Variants in AHR observed in about 807,000 individuals in gnomAD.
AHR encodes the protein aryl hydrocarbon receptor.
A neutral mutation model predicts 86.8 loss-of-function variants in AHR; 40 were observed. The ratio of observed to expected loss-of-function variants is 0.46; its 90% confidence interval spans 0.36 to 0.60. The LOEUF (loss-of-function observed/expected upper bound fraction) is 0.60. Among genes scored for constraint, AHR ranks in the 20% least tolerant of loss-of-function variants. AHR has a pLI of 0.00. For synonymous variants in AHR, 398 were observed against 354.9 expected (o/e 1.12, Z -1.37); for missense variants, 1,001 against 1,011.6 (o/e 0.99, Z 0.14).
At chr7:17,322,636 A>G (rs1159893226) in intron 3 of AHR, 29 bp downstream of exon 3, 2 of 1,340,206 alleles carry the variant, frequency 1.5e-6, no homozygotes, top group African/African-American at 1.5e-5. Context: ...AGTTTCTTAC[A>G]CTAAGGACAG....
intron 1 of AHR, among the ~76,000 whole-genome samples, chr7:17,301,833 T>G (rs1781957738): frequency 1.3e-5 from 2 of 151,992 alleles, no homozygotes; most frequent in African/African-American, 4.8e-5. Context: ...AATTAAAGGC[T>G]CTGAAGCAAC....
chr7:17,339,553 C>G lies in AHR; in HGVS notation c.1728C>G (p.Asp576Glu). 6.2e-7 allele frequency: 1 copy of G among 1,614,184 alleles called. No homozygotes were observed. The highest frequency in any genetic ancestry group is 1.1e-5 in the South Asian group (1 of 91,086). Reference protein sequence around the residue: ...FSGEVDFRDIDLTDEILTYVQ... With the variant: ...FSGEVDFRDIELTDEILTYVQ... ...GTGAGGTTGACTTCAGAGACATTGA[C>G]TTAACGGATGAAATCCTGACGTATG... Residue 576 changes from aspartate to glutamate, a missense_variant, in exon 10 of 11, where the codon GAC (aspartate) becomes GAG (glutamate). Transcript: ENST00000242057.
intron 1 of AHR, among the ~76,000 whole-genome samples, chr7:17,301,551 C>G (rs763997605): frequency 6.6e-6 from 1 of 151,680 alleles, no homozygotes; most frequent in Non-Finnish European, 1.5e-5. Context: ...TTTAAAAAGA[C>G]AGCCAATTAA....
intron 10 of AHR, 82 bp downstream of exon 10, chr7:17,340,310 T>A: frequency 6.8e-7 from 1 of 1,472,070 alleles, no homozygotes; most frequent in Non-Finnish European, 9.0e-7. Context: ...TTATGTCAGC[T>A]GATTTTAATC....
intron 2 of AHR, among the ~76,000 whole-genome samples, chr7:17,321,679 A>G (rs1461741921): frequency 6.6e-6 from 1 of 151,828 alleles, no homozygotes; most frequent in Non-Finnish European, 1.5e-5. Context: ...TAAGCATCCT[A>G]TCATGCCATC....
At chr7:17,324,277 T>C (rs1782205108) in intron 3 of AHR, among the ~76,000 whole-genome samples, 1 of 152,204 alleles carries the variant, frequency 6.6e-6, no homozygotes, top group South Asian at 2.1e-4. Flanking sequence ...TTATATGTTA[T>C]CTTTTTATGA....
At chr7:17,342,259 T>C (rs925693013) in intron 10 of AHR, among the ~76,000 whole-genome samples, 1 of 152,148 alleles carries the variant, frequency 6.6e-6, no homozygotes, top group Admixed American at 6.5e-5. Context: ...TTTATTTTTC[T>C]TTTTTCTACT....
rs777028501 is a variant in AHR at position 17,339,137 on chromosome 7, A to G, written c.1312A>G (p.Lys438Glu). 3.1e-6 allele frequency: 5 copies of G among 1,614,058 alleles called. No homozygotes were observed. The African/African-American group carries it at 6.7e-5, about 22-fold the overall frequency. Residue 438 changes from lysine (K) to glutamate (E), a missense_variant, in exon 10 of 11, where the codon AAA becomes GAA. This residue lies in a region of AHR where 607 missense variants were observed against 543.1 expected (regional missense o/e 1.12). Transcript: ENST00000242057. ...PLRTKNGTSG[K>E]DSATTSTLSK... ...AAGGACTAAAAATGGCACTAGTGGA[A>G]AAGACTCTGCTACCACATCCACTCT...
At chr7:17,317,764 A>C (rs1782131002) in intron 2 of AHR, among the ~76,000 whole-genome samples, 1 of 152,126 alleles carries the variant, frequency 6.6e-6, no homozygotes, top group African/African-American at 2.4e-5. Flanking sequence ...ATGTCTGTGA[A>C]AGCTTAAGGA....
chr7:17,321,451 A>G (rs10271859), intron 2 of AHR, among the ~76,000 whole-genome samples: 9,316 of 151,950 alleles, frequency 0.061, 985 homozygotes, highest in African/African-American at 0.21. Context: ...GTTTGAGCCC[A>G]ATTCTGTCAG....
chr7:17,317,929 T>A (rs921642516), intron 2 of AHR, among the ~76,000 whole-genome samples: 5 of 152,082 alleles, frequency 3.3e-5, no homozygotes, highest in Non-Finnish European at 7.4e-5. Context: ...CATATAGTTA[T>A]AGAGGAATTG....
At chr7:17,326,468 A>G (rs545702143) in intron 3 of AHR, among the ~76,000 whole-genome samples, 1 of 152,326 alleles carries the variant, frequency 6.6e-6, no homozygotes, top group African/African-American at 2.4e-5. Context: ...TGGGTATGTA[A>G]TAGTTTATTA....
At chr7:17,318,143 C>T (rs1400809961) in intron 2 of AHR, among the ~76,000 whole-genome samples, 1 of 152,094 alleles carries the variant, frequency 6.6e-6, no homozygotes, top group Non-Finnish European at 1.5e-5. Context: ...CTGGCAAGAT[C>T]ATCTTTCTGT....
At position 17,339,574 on chromosome 7, in the gene AHR, G is replaced by C. The variant is rs765826211; in HGVS notation, c.1749G>C (p.Thr583=). The C allele has an allele frequency of 1.9e-6, 3 of 1,614,150 alleles. No homozygotes were observed. The highest frequency in any genetic ancestry group is 2.5e-6 in the Non-Finnish European group (3 of 1,180,042). ...TTGACTTAACGGATGAAATCCTGAC[G>C]TATGTCCAAGATTCTTTAAGTAAGT... ...RDIDLTDEIL[T]YVQDSLSKSP... Residue 583 remains threonine, a synonymous_variant, in exon 10 of 11, where the codon ACG becomes ACC. Transcript: ENST00000242057.
In AHR at chr7:17,343,373, C is replaced by A. The variant is rs1387893580; in HGVS notation, c.*309C>A. On this transcript the variant is annotated 3_prime_UTR_variant, in exon 11 of 11. Coordinates refer to ENST00000242057, the MANE Select transcript of AHR (RefSeq NM_001621.5). ...AAACTTTATCAGGGAAACTAAGATTCTTTTAAATTAGAAAATATTCTCTAT... is the reference window on the plus strand; with the variant it reads ...AAACTTTATCAGGGAAACTAAGATTATTTTAAATTAGAAAATATTCTCTAT... The A allele has an allele frequency of 1.1e-5, 3 of 269,058 alleles. No individual in the cohort carries two copies. In the Admixed American group the frequency reaches 1.7e-4, roughly 15 times the overall value. 16.7% of individuals were successfully genotyped at this position (269,058 alleles called of 1,614,324 possible).
intron 1 of AHR, among the ~76,000 whole-genome samples, chr7:17,305,543 G>C (rs1781996598): frequency 6.6e-6 from 1 of 152,080 alleles, no homozygotes; most frequent in Non-Finnish European, 1.5e-5. Flanking sequence ...AGGGCACAGG[G>C]TCAGGTACAG....
chr7:17,334,965 T>C lies in AHR; in HGVS notation c.987T>C (p.Asp329=), dbSNP rs1462682832. The C allele has an allele frequency of 6.2e-7, 1 of 1,613,384 alleles. No individual in the cohort carries two copies. Among genetic ancestry groups the C allele is most frequent in the Admixed American group, 1.7e-5 (1 of 59,982 alleles). Reference sequence around the variant, plus strand: ...GTTATCAGTTTATTCATGCAGCTGATATGCTTTATTGTGCCGAGTCCCATA... The same window carrying C: ...GTTATCAGTTTATTCATGCAGCTGACATGCTTTATTGTGCCGAGTCCCATA... ...GSGYQFIHAA[D]MLYCAESHIR... is the part of the protein sequence containing the mutation. The change falls in exon 8 of 11, where the codon GAT becomes GAC. Residue 329 remains aspartate (D), a synonymous_variant. Transcript: ENST00000242057.
At chr7:17,342,870 G>GAT (rs1274870322) in intron 10 of AHR, 51 bp from the exon 11 acceptor site, 5 of 1,551,790 alleles carry the variant, frequency 3.2e-6, no homozygotes, top group Non-Finnish European at 4.4e-6. Context: ...ACTGGCTTAA[G>GAT]ATACTTGGAA....
At position 17,327,718 on chromosome 7, in the gene AHR, T is replaced by C. The variant is rs35134887; in HGVS notation, c.361-41T>C. 3.5e-5 allele frequency: 40 copies of C among 1,146,038 alleles called. No individual in the cohort carries two copies. The African/African-American group carries it at 6.2e-4, about 18-fold the overall frequency. The allele number at this position is 1,146,038 out of a possible 1,614,324, so 71.0% of individuals were successfully genotyped here. On this transcript the variant is annotated intron_variant, in intron 3 of 10. Transcript: ENST00000242057. Reference sequence around the variant, plus strand: ...AATAACCTTTATCTGATGGTCAATATTAAGTCATATTACTAATTTTAGAAC... The same window carrying C: ...AATAACCTTTATCTGATGGTCAATACTAAGTCATATTACTAATTTTAGAAC...
Sources: allele counts gnomAD v4.1 joint callset (sites outside exome capture counted in the v4.1 genomes callset), GRCh38; gene constraint gnomAD v4.1.1; regional missense constraint gnomAD v4.1.1; transcripts MANE v1.5; gene names NCBI Gene and HGNC (gene_info 2026-07-23, HGNC 2026-07-21).